The following PAH variants were observed in gnomAD, a reference collection of about 807,000 sequenced individuals.
PAH encodes phenylalanine-4-hydroxylase.
PAH carries 64 observed loss-of-function variants against 62.0 expected under a neutral mutation model. The ratio of observed to expected loss-of-function variants is 1.03; its 90% CI spans 0.84 to 1.27. PAH has a LOEUF of 1.27. Among genes scored for constraint, PAH ranks in the 50% most tolerant of loss-of-function variants. PAH has a pLI of 0.00. For synonymous variants in PAH, 195 were observed against 196.2 expected, an observed-to-expected ratio of 0.99 and a Z score of 0.05; for missense variants, 579 against 542.8, an observed-to-expected ratio of 1.07 and a Z score of -0.66.
chr12:102,846,795 C>G, intron 9 of PAH, 100 bp downstream of exon 9: 1 of 937,958 alleles, frequency 1.1e-6, no homozygotes. Context: ...GATTTTTTTC[C>G]CCAGATAACC....
chr12:102,842,320 G>C (rs1468004321), intron 11 of PAH, among the ~76,000 whole-genome samples: 2 of 152,172 alleles, frequency 1.3e-5, no homozygotes, highest in African/African-American at 2.4e-5. Context: ...TAAAAAAGCA[G>C]AGCCAGAAGG....
intron 1 of PAH, among the ~76,000 whole-genome samples, chr12:102,914,851 A>G (rs1045076030): frequency 5.9e-5 from 9 of 152,164 alleles, no homozygotes; most frequent in Non-Finnish European, 2.9e-5. Flanking sequence ...TGTTCAGCCA[A>G]TCACAAGTCT....
At chr12:102,951,907 C>T (rs972299991), upstream of PAH, among the ~76,000 whole-genome samples, 4 of 151,790 alleles carry the variant, frequency 2.6e-5, no homozygotes, top group African/African-American at 9.7e-5. Flanking sequence ...GTGTGTGTGG[C>T]TTCTCCGGCT....
chr12:102,877,456 A>C lies in PAH; in HGVS notation c.441+6T>G. 1 of 1,608,670 alleles carries C rather than the reference A, an allele frequency of 6.2e-7. No homozygotes were observed. Among genetic ancestry groups the C allele is most frequent in the Non-Finnish European group, 8.5e-7 (1 of 1,175,088 alleles). The stretch of plus-strand genomic sequence containing the variant: ...AAAAATCTCATCCTACGGGCCATGG[A>C]CTCACAGGGTGGTCAGCATCCAGTT... On this transcript the variant is annotated splice_donor_region_variant and intron_variant, in intron 4 of 12. Transcript: ENST00000553106.
At chr12:102,873,466 T>A (rs566157026) in intron 4 of PAH, among the ~76,000 whole-genome samples, 1 of 152,190 alleles carries the variant, frequency 6.6e-6, no homozygotes, top group African/African-American at 2.4e-5. Context: ...CTGACCCACA[T>A]TGGAAGTGAA....
At chr12:102,888,427 C>T (rs112506215) in intron 3 of PAH, among the ~76,000 whole-genome samples, 14 of 151,532 alleles carry the variant, frequency 9.2e-5, no homozygotes, top group African/African-American at 1.5e-4. Context: ...TAACCTAATG[C>T]GAAAGAATTT....
rs549317502 is a variant in PAH, at chr12:102,837,283, C to T, written c.*1892G>A. The T allele has an allele frequency of 6.6e-6, 1 of 152,148 alleles. No homozygotes were observed. Among genetic ancestry groups the T allele is most frequent in the South Asian group, 2.1e-4 (1 of 4,808 alleles). The allele number at this position is 152,148 out of a possible 1,614,324, so 9.4% of individuals were successfully genotyped here. ...CTTCCTGTGAAAATCATAACTTAAC[C>T]GAAACTTTACCTTCAAGCTCATTAA... On this transcript the variant is annotated 3_prime_UTR_variant, in exon 13 of 13. Transcript: ENST00000553106.
chr12:102,942,143 A>G (rs1325632835), intron 1 of PAH, among the ~76,000 whole-genome samples: 1 of 152,156 alleles, frequency 6.6e-6, no homozygotes, highest in Non-Finnish European at 1.5e-5. Context: ...CTCTTCATAG[A>G]TGTTATGATC....
chr12:102,863,043 G>C (rs1230415183), intron 5 of PAH, among the ~76,000 whole-genome samples: 2 of 152,058 alleles, frequency 1.3e-5, no homozygotes, highest in Non-Finnish European at 2.9e-5. Flanking sequence ...AACAGACAGA[G>C]ACTGTTCAAT....
At chr12:102,877,373 A>G (rs1876611880) in intron 4 of PAH, 89 bp downstream of exon 4, 2 of 947,942 alleles carry the variant, frequency 2.1e-6, no homozygotes, top group East Asian at 2.4e-5. Context: ...GTGAACAAGT[A>G]CATTGCTCCA....
At position 102,904,059 on chromosome 12, in the gene PAH, T is replaced by C. The variant is rs537533190; in HGVS notation, c.168+8732A>G. On this transcript the variant is annotated intron_variant, in intron 2 of 12. Transcript: ENST00000553106. ...ATAATTGAAAGTTGGAACAATCTAC[T>C]GAGGTCAGTGGGATGTTGTAGGTTA... Among the ~76,000 whole-genome samples, 5 of 152,192 alleles carry C rather than the reference T, an allele frequency of 3.3e-5. No homozygotes were observed. The South Asian group carries it at 1.0e-3, about 32-fold the overall frequency.
chr12:102,944,515 T>C (rs1487571104), intron 1 of PAH, among the ~76,000 whole-genome samples: 2 of 152,260 alleles, frequency 1.3e-5, no homozygotes, highest in African/African-American at 2.4e-5. Context: ...TTCTTTCTTC[T>C]GCTTCGTCAA....
At chr12:102,923,177 A>G (rs767464212) in intron 1 of PAH, among the ~76,000 whole-genome samples, 3 of 152,214 alleles carry the variant, frequency 2.0e-5, no homozygotes, top group Non-Finnish European at 4.4e-5. Flanking sequence ...AGTATCACCT[A>G]TGAACAAGCA....
chr12:102,944,032 T>C (rs898462654), intron 1 of PAH, among the ~76,000 whole-genome samples: 1 of 152,134 alleles, frequency 6.6e-6, no homozygotes, highest in African/African-American at 2.4e-5. Flanking sequence ...GAACCTAAAA[T>C]AAAAGTTGGA....
At chr12:102,937,852 A>C (rs181741133) in intron 1 of PAH, among the ~76,000 whole-genome samples, 3 of 152,282 alleles carry the variant, frequency 2.0e-5, no homozygotes, top group African/African-American at 7.2e-5. Context: ...ATGTAGGATA[A>C]GTTTGGTGTT....
intron 6 of PAH, 155 bp downstream of exon 6, chr12:102,854,980 TG>T: frequency 1.4e-6 from 1 of 715,634 alleles, no homozygotes; most frequent in South Asian, 1.5e-5. Flanking sequence ...CAGAGCACAG[TG>T]AAATTTAGTT....
At chr12:102,897,685 A>G (rs1007067102) in intron 2 of PAH, among the ~76,000 whole-genome samples, 1 of 152,168 alleles carries the variant, frequency 6.6e-6, no homozygotes, top group Non-Finnish European at 1.5e-5. Context: ...CCTGAGTATC[A>G]GAGTTTGCTT....
rs2136628716 is a variant in PAH at position 102,837,009 on chromosome 12, C to G, written c.*2166G>C. On this transcript the variant is annotated 3_prime_UTR_variant, in exon 13 of 13. Transcript: ENST00000553106. ...TTCAGAAACTTATTAAACATCAATG[C>G]CACATGCTTAGAATTTTTTATGTAT... 6.6e-6 allele frequency: 1 copy of G among 152,274 alleles called. No homozygotes were observed. Among genetic ancestry groups the G allele is most frequent in the East Asian group, 1.9e-4 (1 of 5,190 alleles). 9.4% of individuals were successfully genotyped at this position (152,274 alleles called of 1,614,324 possible).
At chr12:102,887,532 T>C (rs1877092323) in intron 3 of PAH, among the ~76,000 whole-genome samples, 1 of 152,072 alleles carries the variant, frequency 6.6e-6, no homozygotes, top group Non-Finnish European at 1.5e-5. Context: ...TGGTGACAAG[T>C]GACCTGTTAT....
Sources: allele counts gnomAD v4.1 joint callset (sites outside exome capture counted in the v4.1 genomes callset), GRCh38; gene constraint gnomAD v4.1.1; transcripts MANE v1.5; gene names NCBI Gene and HGNC (gene_info 2026-07-23, HGNC 2026-07-21).